Variants in COL14A1 observed in about 807,000 individuals in gnomAD.
COL14A1 encodes collagen alpha-1(XIV) chain.
A neutral mutation model predicts 230.3 loss-of-function variants in COL14A1; 136 were observed. That is an observed-to-expected ratio of 0.59 (90% CI 0.51 to 0.68). The LOEUF is 0.68. Among genes scored for constraint, COL14A1 ranks in the 30% least tolerant of loss-of-function variants. The pLI is 0.00. For missense variants in COL14A1, 1,976 were observed against 2,215.8 expected (o/e 0.89, Z 2.17); for synonymous variants, 792 against 784.1 (o/e 1.01, Z -0.17).
At chr8:120,319,029 C>T (rs1219050740) in intron 40 of COL14A1, among the ~76,000 whole-genome samples, 1 of 152,144 alleles carries the variant, frequency 6.6e-6, no homozygotes, top group Non-Finnish European at 1.5e-5. Flanking sequence ...GATGTTTAAT[C>T]GGCGCTTTTA....
At chr8:120,332,988 C>CT (rs1170330273) in intron 42 of COL14A1, among the ~76,000 whole-genome samples, 1 of 152,220 alleles carries the variant, frequency 6.6e-6, no homozygotes, top group Non-Finnish European at 1.5e-5. Context: ...CTATTGCTTG[C>CT]TATTCTGTAT....
chr8:120,208,611 C>A (rs989020546), intron 11 of COL14A1, among the ~76,000 whole-genome samples: 6 of 151,996 alleles, frequency 3.9e-5, no homozygotes, highest in African/African-American at 1.4e-4. Flanking sequence ...GTGAAGAGTA[C>A]AAAAAACATT....
At chr8:120,132,999 C>T (rs4871043) in intron 1 of COL14A1, among the ~76,000 whole-genome samples, 53,818 of 150,678 alleles carry the variant, frequency 0.36, 10,572 homozygotes, top group East Asian at 0.56. Context: ...GGGCGGATCA[C>T]GAGGTCAGGA....
At chr8:120,139,352 C>T (rs76843784) in intron 1 of COL14A1, among the ~76,000 whole-genome samples, 69 of 152,214 alleles carry the variant, frequency 4.5e-4, no homozygotes, top group Non-Finnish European at 8.1e-4. Context: ...CGAGTCAGGT[C>T]GCCCATGTCT....
Position 120,203,883 on chromosome 8 carries a change from A to G in COL14A1, c.1039+13A>G. ...AGAGAAATTAAAGGTAAAATGAGTG[A>G]CAGAGCAGTCCTGTGGATGTCAGTA... On this transcript the variant is annotated intron_variant, in intron 9 of 47. Coordinates refer to ENST00000297848, the MANE Select transcript of COL14A1 (RefSeq NM_021110.4). 5 of 1,612,364 alleles carry G rather than the reference A, an allele frequency of 3.1e-6. No individual in the cohort carries two copies. The highest frequency in any genetic ancestry group is 4.2e-6 in the Non-Finnish European group (5 of 1,178,828).
chr8:120,138,385 C>T (rs1030908476), intron 1 of COL14A1, among the ~76,000 whole-genome samples: 25 of 152,106 alleles, frequency 1.6e-4, no homozygotes, highest in Non-Finnish European at 3.7e-4. Flanking sequence ...ATTTTGCTCC[C>T]CCTGCCCCCA....
At chr8:120,310,150 T>C (rs1041374615) in intron 37 of COL14A1, 88 bp downstream of exon 37, 9 of 1,365,224 alleles carry the variant, frequency 6.6e-6, no homozygotes, top group African/African-American at 2.8e-5. Flanking sequence ...TGTGACTTAT[T>C]TCACCCTTGC....
rs182489575 is a variant in COL14A1, at chr8:120,311,727, G to C, written c.4455+1665G>C. ...TTGTTGGTCTCTCCTAGTCATTTTT[G>C]CCTCATATTTTATAGGATAAAATGG... is the stretch of plus-strand genomic sequence containing the variant. On this transcript the variant is annotated intron_variant, in intron 37 of 47. Transcript: ENST00000297848. Among the ~76,000 whole-genome samples the C allele has an allele frequency of 2.6e-5, 4 of 152,174 alleles. No individual in the cohort carries two copies. In the East Asian group the frequency reaches 7.7e-4, roughly 29 times the overall value.
chr8:120,333,525 C>T (rs1482547892), intron 42 of COL14A1, among the ~76,000 whole-genome samples: 2 of 152,218 alleles, frequency 1.3e-5, no homozygotes, highest in African/African-American at 4.8e-5. Context: ...TGTACAACTG[C>T]AAACACACTA....
intron 36 of COL14A1, among the ~76,000 whole-genome samples, chr8:120,309,561 C>G (rs1028795322): frequency 7.2e-5 from 11 of 152,054 alleles, no homozygotes; most frequent in Non-Finnish European, 1.0e-4. Context: ...AAAGATGAAA[C>G]TAATTGTCCT....
At chr8:120,179,835 C>T (rs1816404760) in intron 5 of COL14A1, among the ~76,000 whole-genome samples, 1 of 152,150 alleles carries the variant, frequency 6.6e-6, no homozygotes, top group South Asian at 2.1e-4. Context: ...GAGCTTGGTA[C>T]TGGTACCAAA....
rs77296167 is a variant in COL14A1, at chr8:120,252,207, A to G, written c.2752+1441A>G. On this transcript the variant is annotated intron_variant, in intron 22 of 47. Transcript: ENST00000297848. ...TATTTTATTTATTTTAAAAACTTCA[A>G]TATCCCTTAGGGTACAAGGGGTTTT... Among the ~76,000 whole-genome samples the G allele has an allele frequency of 3.5e-4, 53 of 152,256 alleles. 1 individual carries two copies. The East Asian group carries it at 9.5e-3, about 27-fold the overall frequency.
intron 4 of COL14A1, among the ~76,000 whole-genome samples, chr8:120,166,925 G>GTGTGT: frequency 9.6e-6 from 1 of 104,536 alleles, no homozygotes; most frequent in Non-Finnish European, 2.2e-5. Context: ...TGTGTGTGGT[G>GTGTGT]GTGATGATGG....
In COL14A1 at chr8:120,289,605, T is replaced by C. The variant is rs747481195; in HGVS notation, c.4078-3T>C. The C allele has an allele frequency of 5.1e-5, 82 of 1,613,016 alleles. No individual in the cohort carries two copies. Among genetic ancestry groups the C allele is most frequent in the Non-Finnish European group, 7.0e-5 (82 of 1,179,610 alleles). ...CCTCCTAAAACATCTTACTTTTACC[T>C]AGCTACACATTGTTGTCAGTGAGAC... On this transcript the variant is annotated splice_region_variant and splice_polypyrimidine_tract_variant and intron_variant, in intron 33 of 47. Transcript: ENST00000297848.
At chr8:120,192,234 A>C (rs551096330) in intron 5 of COL14A1, among the ~76,000 whole-genome samples, 1 of 152,300 alleles carries the variant, frequency 6.6e-6, no homozygotes, top group East Asian at 1.9e-4. Context: ...CTTTTAGGGC[A>C]GGCATGGTGG....
chr8:120,212,487 G>A lies in COL14A1; in HGVS notation c.1507G>A (p.Gly503Arg), dbSNP rs766951783. ...GACCCACACAGATATTGAATTGAGT[G>A]GGTTGTTGCCCAATACAGAATACAC... ...GETHTDIELS[G>R]LLPNTEYTVT... is the part of the protein sequence containing the mutation. The change falls in exon 13 of 48, where the codon GGG becomes AGG. Residue 503 changes from glycine (G) to arginine (R), a missense_variant. Gly to Arg is a moderately radical substitution (Grantham distance 125). Around this residue, in one of 3 missense-constraint regions of COL14A1, gnomAD observed 1,791 missense variants for 2,019.5 expected, o/e 0.89. Coordinates refer to ENST00000297848, the MANE Select transcript of COL14A1 (RefSeq NM_021110.4). The A allele has an allele frequency of 1.2e-6, 2 of 1,613,534 alleles. No individual in the cohort carries two copies. The highest frequency in any genetic ancestry group is 2.7e-5 in the African/African-American group (2 of 75,008).
At chr8:120,203,236 A>G (rs1817314936) in intron 8 of COL14A1, among the ~76,000 whole-genome samples, 1 of 151,960 alleles carries the variant, frequency 6.6e-6, no homozygotes, top group Admixed American at 6.6e-5. Flanking sequence ...GATTTCTGTA[A>G]AAAGCAATCT....
At chr8:120,343,646 T>A (rs935675688) in intron 44 of COL14A1, among the ~76,000 whole-genome samples, 2 of 152,228 alleles carry the variant, frequency 1.3e-5, no homozygotes, top group African/African-American at 4.8e-5. Flanking sequence ...CGTTATTTAA[T>A]TTTCTGTTAT....
chr8:120,312,596 A>G (rs541568735), intron 37 of COL14A1, among the ~76,000 whole-genome samples: 1 of 152,104 alleles, frequency 6.6e-6, no homozygotes, highest in South Asian at 2.1e-4. Context: ...ATTTTTATCC[A>G]CATTCTATTT....
Sources: gnomAD v4.1 joint callset for allele counts (sites outside exome capture counted in the v4.1 genomes callset) on GRCh38, gnomAD v4.1.1 for gene constraint, gnomAD v4.1.1 regional missense constraint, MANE v1.5 for transcripts, NCBI Gene and HGNC (gene_info 2026-07-23, HGNC 2026-07-21) for gene names.